The following CCDC117 variants were observed in gnomAD, a reference collection of about 807,000 sequenced individuals.
CCDC117 encodes coiled-coil domain-containing protein 117.
In CCDC117, 1 loss-of-function variant was observed where a neutral mutation model predicts 23.5. The observed-to-expected ratio is 0.04, with a 90% confidence interval of 0.02 to 0.20. The LOEUF is 0.20. CCDC117 is among the 10% of genes least tolerant of loss of function. The pLI is 1.00. For synonymous variants in CCDC117, 132 were observed against 124.8 expected (o/e 1.06, Z -0.39); for missense variants, 383 against 348.2 (o/e 1.10, Z -0.80).
At chr22:28,781,257 G>T in intron 3 of CCDC117, 85 bp downstream of exon 3, 1 of 716,544 alleles carries the variant, frequency 1.4e-6, no homozygotes, top group Non-Finnish European at 2.4e-6. Flanking sequence ...TTATCATTTG[G>T]TGATACCTTG....
intron 3 of CCDC117, among the ~76,000 whole-genome samples, chr22:28,781,890 G>T (rs2031348599): frequency 6.6e-6 from 1 of 151,098 alleles, no homozygotes; most frequent in South Asian, 2.1e-4. Flanking sequence ...TGATCCCCCT[G>T]TCTCGGCCTC....
chr22:28,786,410 GA>G lies in CCDC117; in HGVS notation c.*87del. On this transcript the variant is annotated 3_prime_UTR_variant, in exon 5 of 5. Transcript: ENST00000249064. Reference sequence around the variant, plus strand: ...GACTCTTTGCATAGTATAGGGACTTGAAAGTTTTATGAGACGGGTGTAATAA... The same window carrying G: ...GACTCTTTGCATAGTATAGGGACTTGAAGTTTTATGAGACGGGTGTAATAA... 2.1e-6 allele frequency: 2 copies of G among 941,732 alleles called. No individual in the cohort carries two copies. The highest frequency in any genetic ancestry group is 3.2e-6 in the Non-Finnish European group (2 of 622,368). 58.3% of individuals were successfully genotyped at this position (941,732 alleles called of 1,614,324 possible). A position where few individuals can be genotyped will look rare whatever the true frequency, so the allele number is the denominator to read the frequency against.
chr22:28,782,250 C>CTTTTTTTTTTTTTTTTTTT (rs34670753), intron 3 of CCDC117, among the ~76,000 whole-genome samples: 2 of 80,316 alleles, frequency 2.5e-5, no homozygotes, highest in African/African-American at 1.2e-4. Flanking sequence ...TCTACTGAGC[C>CTTTTTTTTTTTTTTTTTTT]TTTTTTTTTT....
chr22:28,782,042 A>G (rs535511878), intron 3 of CCDC117, among the ~76,000 whole-genome samples: 1 of 145,906 alleles, frequency 6.9e-6, no homozygotes, highest in East Asian at 2.1e-4. Flanking sequence ...GGCTCAACCC[A>G]TCTGCCCCCC....
At chr22:28,774,071 T>G (rs918462397) in intron 2 of CCDC117, among the ~76,000 whole-genome samples, 22 of 75,136 alleles carry the variant, frequency 2.9e-4, no homozygotes, top group African/African-American at 6.1e-4. Context: ...TTTGTTTTTG[T>G]TTTTTTTTTT....
In CCDC117 at chr22:28,773,776, T is replaced by A; in HGVS notation, c.237T>A (p.Asp79Glu). The change falls in exon 2 of 5, where the codon GAT (aspartate) becomes GAA (glutamate). Residue 79 changes from aspartate (D) to glutamate (E), a missense_variant and splice_region_variant. Asp to Glu is a conservative substitution (Grantham distance 45). Transcript: ENST00000249064. ...ACAAGCGAGAGGAGGAGGAGGATGA[T>A]GAGTAAGTTTCAGTGGTTGTTTATT... ...KKHKREEEED[D>E]DCPVRKKRIT... 1 of 1,613,036 alleles carries A rather than the reference T, an allele frequency of 6.2e-7. No individual in the cohort carries two copies. Among genetic ancestry groups the A allele is most frequent in the South Asian group, 1.1e-5 (1 of 91,056 alleles).
intron 3 of CCDC117, 140 bp downstream of exon 3, chr22:28,781,312 ATTCGTT>A (rs2031310542): frequency 2.8e-6 from 1 of 353,654 alleles, no homozygotes; most frequent in Non-Finnish European, 5.8e-6. Context: ...TTCAAAGTGT[ATTCGTT>A]TTTGTTTTTT....
chr22:28,784,669 TAGCC>T (rs1234231303), intron 4 of CCDC117, among the ~76,000 whole-genome samples: 2 of 152,254 alleles, frequency 1.3e-5, no homozygotes, highest in Non-Finnish European at 2.9e-5. Flanking sequence ...GGTGGGTAAA[TAGCC>T]AGAAGTAAGC....
intron 2 of CCDC117, among the ~76,000 whole-genome samples, chr22:28,774,070 GTT>G (rs67314143): frequency 1.6e-5 from 2 of 126,074 alleles, no homozygotes; most frequent in African/African-American, 2.9e-5. Flanking sequence ...TTTTGTTTTT[GTT>G]TTTTTTTTTT....
rs116751555 is a variant in CCDC117 at position 28,778,818 on chromosome 22, T to A, written c.240-2130T>A. ...TAATGCCCAGAAGCGTGCTATCATA[T>A]TATCTTTGGGACTTAATTATCAGTG... On this transcript the variant is annotated intron_variant, in intron 2 of 4. Coordinates refer to ENST00000249064, the MANE Select transcript of CCDC117 (RefSeq NM_173510.4). Among the ~76,000 whole-genome samples the A allele has an allele frequency of 2.2e-3, 340 of 152,308 alleles. 3 individuals are homozygous for A. Among genetic ancestry groups the A allele is most frequent in the African/African-American group, 7.9e-3 (330 of 41,570 alleles).
chr22:28,777,909 C>T (rs998212009), intron 2 of CCDC117, among the ~76,000 whole-genome samples: 1 of 149,892 alleles, frequency 6.7e-6, no homozygotes, highest in Non-Finnish European at 1.5e-5. Flanking sequence ...GCAGTACAGT[C>T]GCACGATCAG....
At position 28,786,974 on chromosome 22, in the gene CCDC117, C is replaced by T. The variant is rs1385560395; in HGVS notation, c.*648C>T. 1 of 152,606 alleles carries T rather than the reference C, an allele frequency of 6.6e-6. No homozygotes were observed. Among genetic ancestry groups the T allele is most frequent in the East Asian group, 1.9e-4 (1 of 5,200 alleles). 9.5% of individuals were successfully genotyped at this position (152,606 alleles called of 1,614,324 possible). A position where few individuals can be genotyped will look rare whatever the true frequency, so the allele number is the denominator to read the frequency against. On this transcript the variant is annotated 3_prime_UTR_variant, in exon 5 of 5. Coordinates refer to ENST00000249064, the MANE Select transcript of CCDC117 (RefSeq NM_173510.4). ...TTTAAGGCTTTTTTGCCTTGTGCCA[C>T]TGTTGCTCCTTGGTTTCCCTTGCGT...
rs2031017822 is a variant in CCDC117 at position 28,772,736 on chromosome 22, G to A, written c.-114G>A. On this transcript the variant is annotated 5_prime_UTR_variant, in exon 1 of 5. Transcript: ENST00000249064. The stretch of plus-strand genomic sequence containing the variant: ...AGGGTTCTAGAAGGCGTGACGTGGG[G>A]TCGAGAGCGGGATCCGAGGCTGGCG... The A allele has an allele frequency of 4.8e-6, 4 of 838,788 alleles. No homozygotes were observed. The highest frequency in any genetic ancestry group is 1.2e-4 in the South Asian group (2 of 16,300). The allele number at this position is 838,788 out of a possible 1,614,324, so 52.0% of individuals were successfully genotyped here.
At position 28,788,034 on chromosome 22, in the gene CCDC117, TTC is replaced by T. The variant is rs1400640507; in HGVS notation, c.*1710_*1711del. 1 of 152,668 alleles carries T rather than the reference TTC, an allele frequency of 6.6e-6. No homozygotes were observed. The highest frequency in any genetic ancestry group is 1.5e-5 in the Non-Finnish European group (1 of 68,042). 9.5% of individuals were successfully genotyped at this position (152,668 alleles called of 1,614,324 possible). A position where few individuals can be genotyped will look rare whatever the true frequency, so the allele number is the denominator to read the frequency against. On this transcript the variant is annotated 3_prime_UTR_variant, in exon 5 of 5. Coordinates refer to ENST00000249064, the MANE Select transcript of CCDC117 (RefSeq NM_173510.4). ...TTCTTTGCCTGTTCCTGCTTTCTCT[TTC>T]TGTCTGGATAGTCAGGAAAAGATTT...
intron 2 of CCDC117, among the ~76,000 whole-genome samples, chr22:28,778,589 G>A (rs1014576873): frequency 2.0e-5 from 3 of 152,226 alleles, no homozygotes; most frequent in Non-Finnish European, 2.9e-5. Context: ...GTTCTTTATT[G>A]CCTTAGGATT....
At chr22:28,784,923 C>T (rs1945265822) in intron 4 of CCDC117, among the ~76,000 whole-genome samples, 1 of 151,922 alleles carries the variant, frequency 6.6e-6, no homozygotes, top group Non-Finnish European at 1.5e-5. Flanking sequence ...GCGCCTGCCA[C>T]CTTGCCCGGC....
chr22:28,775,256 G>A (rs6005870), intron 2 of CCDC117, among the ~76,000 whole-genome samples: 7,559 of 152,174 alleles, frequency 0.05, 266 homozygotes, highest in South Asian at 0.12. Flanking sequence ...GTGAGACTCC[G>A]TCTCAAAAAA....
At chr22:28,785,951 G>A in intron 4 of CCDC117, 138 bp from the exon 5 acceptor site, 2 of 570,804 alleles carry the variant, frequency 3.5e-6, no homozygotes, top group East Asian at 3.0e-5. Flanking sequence ...AGAAAGTAAA[G>A]ATCAGTTTGT....
At chr22:28,782,732 C>T (rs577613075) in intron 3 of CCDC117, among the ~76,000 whole-genome samples, 19 of 152,158 alleles carry the variant, frequency 1.2e-4, no homozygotes, top group South Asian at 1.0e-3. Context: ...CCATTGCACC[C>T]GGCCTTTTTT....
Sources: allele counts gnomAD v4.1 joint callset (sites outside exome capture counted in the v4.1 genomes callset), GRCh38; gene constraint gnomAD v4.1.1; transcripts MANE v1.5; gene names NCBI Gene and HGNC (gene_info 2026-07-23, HGNC 2026-07-21).